CADPS: variants seen among roughly 807,000 people sequenced by gnomAD.
CADPS encodes the protein calcium-dependent secretion activator 1.
CADPS carries 57 observed loss-of-function variants against 167.3 expected under a neutral mutation model. The observed-to-expected ratio is 0.34, with a 90% CI of 0.28 to 0.42. CADPS has a LOEUF of 0.42. Among genes scored for constraint, CADPS ranks in the 20% least tolerant of loss-of-function variants. The pLI is 1.00. For missense variants in CADPS, 1,414 were observed against 1,738.1 expected, an observed-to-expected ratio of 0.81 and a Z score of 3.32; for synonymous variants, 676 against 635.3, an observed-to-expected ratio of 1.06 and a Z score of -0.96.
intron 3 of CADPS, among the ~76,000 whole-genome samples, chr3:62,720,249 G>A (rs1418592894): frequency 6.6e-6 from 1 of 151,950 alleles, no homozygotes; most frequent in East Asian, 1.9e-4. Flanking sequence ...TCAGACATAG[G>A]CTTTATAGGA....
At chr3:62,665,893 G>C (rs187404091) in intron 3 of CADPS, among the ~76,000 whole-genome samples, 32 of 152,328 alleles carry the variant, frequency 2.1e-4, no homozygotes, top group African/African-American at 7.2e-4. Context: ...CGGATATAAA[G>C]GGCTTAGTCC....
At chr3:62,833,987 T>C (rs1010560873) in intron 1 of CADPS, among the ~76,000 whole-genome samples, 2 of 152,226 alleles carry the variant, frequency 1.3e-5, no homozygotes, top group Middle Eastern at 3.2e-3. Context: ...GTGCACCAAA[T>C]GATCTCTTCC....
At chr3:62,645,590 G>T in intron 6 of CADPS, 132 bp downstream of exon 6, 1 of 948,630 alleles carries the variant, frequency 1.1e-6, no homozygotes, top group Non-Finnish European at 1.6e-6. Flanking sequence ...AAGTCATCTT[G>T]TTTGAAAAAT....
chr3:62,473,694 CTTTTTTT>C (rs1200271307), intron 24 of CADPS: 2 of 140,162 alleles, frequency 1.4e-5, no homozygotes, highest in Admixed American at 1.4e-4. Context: ...TTTTTTTTTT[CTTTTTTT>C]TTTTTGGAAA....
chr3:62,481,973 G>T, intron 21 of CADPS, 104 bp from the exon 22 acceptor site: 1 of 1,154,504 alleles, frequency 8.7e-7, no homozygotes, highest in Non-Finnish European at 1.3e-6. Flanking sequence ...TCCACAGCAA[G>T]ACAACAGCAA....
chr3:62,630,759 A>G (rs2065124900), intron 6 of CADPS, among the ~76,000 whole-genome samples: 1 of 152,132 alleles, frequency 6.6e-6, no homozygotes, highest in South Asian at 2.1e-4. Context: ...CTTTGGGCAT[A>G]AAAAAATCAG....
intron 27 of CADPS, chr3:62,439,238 T>C (rs2055798542): frequency 6.6e-6 from 1 of 152,224 alleles, no homozygotes; most frequent in Admixed American, 6.5e-5. Context: ...TGTCAGGCAC[T>C]GTAAATTGAA....
At chr3:62,853,943 G>C (rs1432742697) in intron 1 of CADPS, among the ~76,000 whole-genome samples, 2 of 152,134 alleles carry the variant, frequency 1.3e-5, no homozygotes, top group African/African-American at 4.8e-5. Context: ...GCGACAGACA[G>C]TAAGCCTGTC....
rs147388715 is a variant in CADPS, at chr3:62,592,638, C to A, written c.1436G>T (p.Arg479Leu). Residue 479 changes from arginine to leucine, a missense_variant and splice_region_variant, in exon 7 of 30, where the codon CGG (arginine) becomes CTG (leucine). Transcript: ENST00000383710. The stretch of plus-strand genomic sequence containing the variant: ...CCCCTTGTGATAAGAAGTGCTTACC[C>A]GCCCAAGCTCCTTGTCCTCCAACGC... Reference protein sequence around the residue: ...VLALEDKELGRVILHPTPNSP... With the variant: ...VLALEDKELGLVILHPTPNSP... The A allele has an allele frequency of 6.2e-7, 1 of 1,612,346 alleles. No individual in the cohort carries two copies. Among genetic ancestry groups the A allele is most frequent in the Non-Finnish European group, 8.5e-7 (1 of 1,178,480 alleles).
chr3:62,719,647 A>G (rs1299734469), intron 3 of CADPS, among the ~76,000 whole-genome samples: 1 of 152,250 alleles, frequency 6.6e-6, no homozygotes, highest in Non-Finnish European at 1.5e-5. Flanking sequence ...TAATTGGGTA[A>G]TCTGCAAATA....
intron 28 of CADPS, among the ~76,000 whole-genome samples, chr3:62,411,508 T>C (rs939453397): frequency 3.9e-5 from 6 of 152,232 alleles, no homozygotes; most frequent in African/African-American, 7.2e-5. Flanking sequence ...AAATATTTTA[T>C]GTTTGAAGCT....
Position 62,580,596 on chromosome 3 carries a change from A to AT in CADPS, c.1577+4588_1577+4589insA, listed in dbSNP as rs1219349388. Among the ~76,000 whole-genome samples the AT allele has an allele frequency of 8.5e-5, 12 of 141,940 alleles. No homozygotes were observed. In the East Asian group the frequency reaches 1.0e-3, roughly 12 times the overall value. 93.1% of individuals were successfully genotyped at this position (141,940 alleles called of 152,430 possible). A position where few individuals can be genotyped will look rare whatever the true frequency, so the allele number is the denominator to read the frequency against. On this transcript the variant is annotated intron_variant, in intron 8 of 29. Transcript: ENST00000383710. ...AACTTAAAGTATAATAAAAAAAAAT[A>AT]AAAAAAAAAAGAAAGAGGCAAGAAA...
At chr3:62,537,996 G>C (rs977899471) in intron 11 of CADPS, among the ~76,000 whole-genome samples, 2 of 152,132 alleles carry the variant, frequency 1.3e-5, no homozygotes, top group Non-Finnish European at 2.9e-5. Flanking sequence ...CAGAAGCAAC[G>C]GTTTCCAGAA....
intron 3 of CADPS, among the ~76,000 whole-genome samples, chr3:62,690,254 G>T (rs2078862683): frequency 6.6e-6 from 1 of 151,996 alleles, no homozygotes; most frequent in Non-Finnish European, 1.5e-5. Context: ...CCAATATACT[G>T]AGAGGGAGAA....
chr3:62,687,896 T>A (rs2078382536), intron 3 of CADPS, among the ~76,000 whole-genome samples: 1 of 151,986 alleles, frequency 6.6e-6, no homozygotes, highest in Non-Finnish European at 1.5e-5. Context: ...AAAAAGTCAC[T>A]AACCCATTTT....
intron 6 of CADPS, among the ~76,000 whole-genome samples, chr3:62,619,450 T>C (rs1462378648): frequency 6.6e-6 from 1 of 152,154 alleles, no homozygotes; most frequent in East Asian, 1.9e-4. Context: ...ACAAAAATGT[T>C]TCAGATTTTA....
chr3:62,472,986 C>T (rs2150566613), intron 24 of CADPS, among the ~76,000 whole-genome samples: 1 of 151,882 alleles, frequency 6.6e-6, no homozygotes, highest in South Asian at 2.1e-4. Flanking sequence ...AATTCTTAGA[C>T]CACACCGCAG....
At position 62,585,100 on chromosome 3, in the gene CADPS, G is replaced by A. The variant is rs2084306483; in HGVS notation, c.1577+85C>T. ...TATATTTCCTTCTACATAGTTCTCT[G>A]AAGATCTTGTGTTTATTTTTGTTTT... On this transcript the variant is annotated intron_variant, in intron 8 of 29. Coordinates refer to ENST00000383710, the MANE Select transcript of CADPS (RefSeq NM_003716.4). 5 of 1,281,532 alleles carry A rather than the reference G, an allele frequency of 3.9e-6. No individual in the cohort carries two copies. The South Asian group carries it at 5.1e-5, about 13-fold the overall frequency. 79.4% of individuals were successfully genotyped at this position (1,281,532 alleles called of 1,614,324 possible).
At chr3:62,728,024 T>A (rs1216821839) in intron 3 of CADPS, among the ~76,000 whole-genome samples, 1 of 151,900 alleles carries the variant, frequency 6.6e-6, no homozygotes, top group African/African-American at 2.4e-5. Flanking sequence ...ATTATGTTTA[T>A]AACTCTACAA....
Sources: gnomAD v4.1 joint callset for allele counts (sites outside exome capture counted in the v4.1 genomes callset) on GRCh38, gnomAD v4.1.1 for gene constraint, MANE v1.5 for transcripts, NCBI Gene and HGNC (gene_info 2026-07-23, HGNC 2026-07-21) for gene names.